CSMD1: variants seen among roughly 807,000 people sequenced by gnomAD.
CSMD1 encodes CUB and Sushi multiple domains 1, also known as CUB and sushi domain-containing protein 1.
In CSMD1, 213 loss-of-function variants were observed where a neutral mutation model predicts 417.5. The ratio of observed to expected loss-of-function variants is 0.51; its 90% confidence interval spans 0.46 to 0.57. The LOEUF (loss-of-function observed/expected upper bound fraction) is 0.57. Among genes scored for constraint, CSMD1 ranks in the 20% least tolerant of loss-of-function variants. CSMD1 has a pLI of 0.00. For synonymous variants in CSMD1, 2,862 were observed against 1,736.8 expected, an observed-to-expected ratio of 1.65 and a Z score of -16.11; for missense variants, 6,923 against 4,529.7, an observed-to-expected ratio of 1.53 and a Z score of -15.17.
At chr8:3,648,650 G>A (rs1797695312) in intron 7 of CSMD1, among the ~76,000 whole-genome samples, 1 of 152,188 alleles carries the variant, frequency 6.6e-6, no homozygotes, top group Non-Finnish European at 1.5e-5. Flanking sequence ...AGGACAAACT[G>A]ACCTTACTTT....
chr8:4,881,320 T>G (rs1022003573), intron 1 of CSMD1, among the ~76,000 whole-genome samples: 2 of 152,068 alleles, frequency 1.3e-5, no homozygotes, highest in African/African-American at 4.8e-5. Flanking sequence ...TTTTTTTATT[T>G]GAATACATAA....
intron 23 of CSMD1, among the ~76,000 whole-genome samples, chr8:3,309,785 T>C (rs1254435659): frequency 6.6e-6 from 1 of 152,206 alleles, no homozygotes; most frequent in Non-Finnish European, 1.5e-5. Flanking sequence ...GCCCTTCCAT[T>C]GAGGAAAATG....
chr8:3,795,285 A>C lies in CSMD1; in HGVS notation c.819-41243T>G, dbSNP rs185753773. On this transcript the variant is annotated intron_variant, in intron 5 of 69. Coordinates refer to ENST00000635120, the MANE Select transcript of CSMD1 (RefSeq NM_033225.6). ...ATATATCTATCATGTACAGATATAT[A>C]TATCATGTACAGATATATATATCTA... Among the ~76,000 whole-genome samples the C allele has an allele frequency of 9.5e-3, 235 of 24,806 alleles. 95 individuals are homozygous for C. The highest frequency in any genetic ancestry group is 0.018 in the African/African-American group (178 of 9,752). The allele number at this position is 24,806 out of a possible 152,430, so 16.3% of individuals were successfully genotyped here.
intron 2 of CSMD1, among the ~76,000 whole-genome samples, chr8:4,460,942 A>G (rs1799777251): frequency 6.6e-6 from 1 of 152,130 alleles, no homozygotes; most frequent in African/African-American, 2.4e-5. Context: ...CCCCAATATC[A>G]AAGCCAGACA....
At chr8:3,911,682 T>C (rs1399742677) in intron 5 of CSMD1, among the ~76,000 whole-genome samples, 1 of 152,182 alleles carries the variant, frequency 6.6e-6, no homozygotes, top group Non-Finnish European at 1.5e-5. Context: ...TTGTCGGAGC[T>C]GCCATAAGCA....
chr8:4,547,915 G>C (rs559444091), intron 2 of CSMD1, among the ~76,000 whole-genome samples: 1 of 152,104 alleles, frequency 6.6e-6, no homozygotes, highest in East Asian at 1.9e-4. Context: ...CAAAATAAAG[G>C]CCGAGAAAAC....
chr8:3,914,680 T>G (rs2129140945), intron 5 of CSMD1, among the ~76,000 whole-genome samples: 1 of 152,312 alleles, frequency 6.6e-6, no homozygotes, highest in East Asian at 1.9e-4. Flanking sequence ...TAAGTCAGCT[T>G]GGTTGTCAAG....
intron 3 of CSMD1, among the ~76,000 whole-genome samples, chr8:4,215,889 C>CA (rs543848332): frequency 2.0e-5 from 3 of 151,994 alleles, no homozygotes; most frequent in Non-Finnish European, 2.9e-5. Context: ...AAAGCAGGGA[C>CA]AAAAAAATTA....
intron 2 of CSMD1, among the ~76,000 whole-genome samples, chr8:4,513,357 C>A (rs550740044): frequency 6.6e-6 from 1 of 152,104 alleles, no homozygotes; most frequent in Admixed American, 6.5e-5. Context: ...AACATCGAAG[C>A]TACTATAGCG....
chr8:4,591,149 T>C (rs982852395), intron 2 of CSMD1, among the ~76,000 whole-genome samples: 2 of 152,258 alleles, frequency 1.3e-5, no homozygotes, highest in East Asian at 1.9e-4. Context: ...ATTTCTTCAG[T>C]TGTGTGTTGA....
At chr8:2,943,147 T>C (rs546755592) in intron 68 of CSMD1, among the ~76,000 whole-genome samples, 3 of 152,244 alleles carry the variant, frequency 2.0e-5, no homozygotes, top group East Asian at 1.9e-4. Context: ...AAAATAATTA[T>C]AGTTCAATGT....
chr8:3,824,317 G>C (rs961226200), intron 5 of CSMD1, among the ~76,000 whole-genome samples: 2 of 152,098 alleles, frequency 1.3e-5, no homozygotes, highest in Non-Finnish European at 1.5e-5. Context: ...AACAGCCTAG[G>C]AATACTGAGA....
intron 34 of CSMD1, among the ~76,000 whole-genome samples, chr8:3,189,671 C>T (rs1796299639): frequency 6.6e-6 from 1 of 150,766 alleles, no homozygotes; most frequent in South Asian, 2.1e-4. Context: ...AGTTGATGGC[C>T]TACTTCATAA....
intron 3 of CSMD1, among the ~76,000 whole-genome samples, chr8:4,328,910 G>C (rs906379634): frequency 6.6e-6 from 1 of 152,182 alleles, no homozygotes; most frequent in African/African-American, 2.4e-5. Flanking sequence ...TATATTGGTA[G>C]TGTGTTGTTT....
chr8:4,855,150 G>C (rs1027236872), intron 1 of CSMD1, among the ~76,000 whole-genome samples: 2 of 151,134 alleles, frequency 1.3e-5, no homozygotes, highest in African/African-American at 2.4e-5. Context: ...CCCAGCAGGG[G>C]CACACTGACA....
At chr8:4,953,356 C>G (rs1052263988) in intron 1 of CSMD1, among the ~76,000 whole-genome samples, 1 of 152,054 alleles carries the variant, frequency 6.6e-6, no homozygotes, top group African/African-American at 2.4e-5. Context: ...ATACTAAATC[C>G]TGAATCACCA....
chr8:2,964,492 G>A (rs1045432875), intron 59 of CSMD1, among the ~76,000 whole-genome samples: 1 of 152,222 alleles, frequency 6.6e-6, no homozygotes, highest in Non-Finnish European at 1.5e-5. Flanking sequence ...TTCAAGGAGG[G>A]ACAGAGAGAG....
chr8:3,458,994 G>T (rs1816325572), intron 12 of CSMD1, among the ~76,000 whole-genome samples: 1 of 152,250 alleles, frequency 6.6e-6, no homozygotes, highest in East Asian at 1.9e-4. Context: ...GGGCCTTGGG[G>T]AAGGGAAGGG....
intron 3 of CSMD1, among the ~76,000 whole-genome samples, chr8:4,408,201 T>A (rs1457973942): frequency 6.6e-6 from 1 of 152,222 alleles, no homozygotes; most frequent in Non-Finnish European, 1.5e-5. Context: ...TGTTGCAAGT[T>A]GACAGGCCCC....
Sources: gnomAD v4.1 joint callset for allele counts (sites outside exome capture counted in the v4.1 genomes callset) on GRCh38, gnomAD v4.1.1 for gene constraint, MANE v1.5 for transcripts, NCBI Gene and HGNC (gene_info 2026-07-23, HGNC 2026-07-21) for gene names.